The following PARP8 variants were observed in gnomAD, a reference collection of about 807,000 sequenced individuals.
The protein encoded by PARP8 is protein mono-ADP-ribosyltransferase PARP8.
Under a neutral mutation model 124.1 loss-of-function variants are expected in PARP8, and 51 were observed. That is an observed-to-expected ratio of 0.41 (90% CI 0.33 to 0.52). PARP8 has a LOEUF of 0.52. Ranked by LOEUF, PARP8 falls within the 20% of genes least tolerant of loss-of-function variation. The pLI, the probability that PARP8 is intolerant of heterozygous loss-of-function variation, is 0.21. For missense variants in PARP8, 860 were observed against 1,018.9 expected (o/e 0.84, Z 2.12); for synonymous variants, 391 against 361.5 (o/e 1.08, Z -0.93).
In PARP8 at chr5:50,826,809, T is replaced by A. The variant is rs776109934; in HGVS notation, c.1977+6T>A. ...TGAAACTGCCAGTTAACAGGGTAAG[T>A]TGTTTTTTTTTTTTTTACATATGCA... On this transcript the variant is annotated splice_donor_region_variant and intron_variant, in intron 19 of 25. Coordinates refer to ENST00000281631, the MANE Select transcript of PARP8 (RefSeq NM_024615.4). 3 of 1,574,926 alleles carry A rather than the reference T, an allele frequency of 1.9e-6. No individual in the cohort carries two copies. Among genetic ancestry groups the A allele is most frequent in the Admixed American group, 1.9e-5 (1 of 53,088 alleles).
chr5:50,834,693 T>C (rs1410024768), intron 24 of PARP8: 1 of 507,968 alleles, frequency 2.0e-6, no homozygotes, highest in Non-Finnish European at 3.6e-6. Flanking sequence ...TGGTAATACT[T>C]AGATGAGTCC....
intron 9 of PARP8, among the ~76,000 whole-genome samples, chr5:50,780,200 T>C (rs1740511567): frequency 6.6e-6 from 1 of 152,202 alleles, no homozygotes; most frequent in South Asian, 2.1e-4. Flanking sequence ...CATAAGGGAA[T>C]GATTTGTAAT....
intron 2 of PARP8, among the ~76,000 whole-genome samples, chr5:50,700,031 C>T (rs573834519): frequency 4.6e-5 from 7 of 152,254 alleles, no homozygotes; most frequent in African/African-American, 1.7e-4. Flanking sequence ...ACTAAATAGT[C>T]ATCCATTTTT....
At chr5:50,841,044 T>G (rs1748125114) in intron 25 of PARP8, among the ~76,000 whole-genome samples, 1 of 151,930 alleles carries the variant, frequency 6.6e-6, no homozygotes, top group South Asian at 2.1e-4. Flanking sequence ...CTGTATGTCA[T>G]CTTTTCATTT....
At chr5:50,825,851 A>G (rs905711709) in intron 18 of PARP8, among the ~76,000 whole-genome samples, 30 of 152,150 alleles carry the variant, frequency 2.0e-4, no homozygotes, top group African/African-American at 7.2e-4. Context: ...TGGCTTCCTC[A>G]AGATTCTGAT....
At chr5:50,796,310 T>G (rs1742548280) in intron 12 of PARP8, among the ~76,000 whole-genome samples, 2 of 152,182 alleles carry the variant, frequency 1.3e-5, no homozygotes, top group East Asian at 3.8e-4. Flanking sequence ...TTATATAGGT[T>G]TATTTCTAAA....
chr5:50,708,504 G>T (rs1580044145), intron 2 of PARP8, among the ~76,000 whole-genome samples: 1 of 152,020 alleles, frequency 6.6e-6, no homozygotes, highest in Middle Eastern at 3.4e-3. Context: ...ATGGAATTCT[G>T]TGTTAGAACT....
chr5:50,842,246 AT>A lies in PARP8; in HGVS notation c.*181del, dbSNP rs1218615000. ...CATTAAATACCTAAAATGGTATAAG[AT>A]TTATCAATTGTAGGGTTATGGAATC... On this transcript the variant is annotated 3_prime_UTR_variant, in exon 26 of 26. Coordinates refer to ENST00000281631, the MANE Select transcript of PARP8 (RefSeq NM_024615.4). 3 of 481,930 alleles carry A rather than the reference AT, an allele frequency of 6.2e-6. No individual in the cohort carries two copies. In the African/African-American group the frequency reaches 6.2e-5, roughly 10 times the overall value. 29.9% of individuals were successfully genotyped at this position (481,930 alleles called of 1,614,324 possible). A position where few individuals can be genotyped will look rare whatever the true frequency, so the allele number is the denominator to read the frequency against.
intron 16 of PARP8, among the ~76,000 whole-genome samples, 179 bp from the exon 17 acceptor site, chr5:50,822,156 A>G (rs1401395874): frequency 1.3e-5 from 2 of 152,168 alleles, no homozygotes; most frequent in African/African-American, 4.8e-5. Context: ...TCTCTGACTG[A>G]AGTCCTGGAG....
In PARP8 at chr5:50,815,526, T is replaced by G; in HGVS notation, c.1668+2T>G. The G allele has an allele frequency of 6.3e-7, 1 of 1,580,906 alleles. No individual in the cohort carries two copies. Among genetic ancestry groups the G allele is most frequent in the Non-Finnish European group, 8.6e-7 (1 of 1,165,064 alleles). On this transcript the variant is annotated splice_donor_variant, in intron 15 of 25. Transcript: ENST00000281631. LOFTEE classifies it high-confidence loss of function. ...GATGAAATAGCAACTGGAGCTCAGG[T>G]AGTAACACAGGATACTAATTATTTC...
intron 2 of PARP8, among the ~76,000 whole-genome samples, chr5:50,691,118 C>T (rs1752452273): frequency 6.6e-6 from 1 of 152,192 alleles, no homozygotes; most frequent in Non-Finnish European, 1.5e-5. Context: ...CACTGCGTGA[C>T]TTACCTTTCA....
intron 2 of PARP8, 28 bp from the exon 3 acceptor site, chr5:50,750,123 A>G (rs756243151): frequency 2.4e-5 from 36 of 1,528,236 alleles, no homozygotes; most frequent in Non-Finnish European, 3.1e-5. Flanking sequence ...CAATAACTTG[A>G]GCCTTTTTTG....
intron 2 of PARP8, among the ~76,000 whole-genome samples, chr5:50,686,969 A>G (rs1185663276): frequency 1.3e-5 from 2 of 152,054 alleles, no homozygotes; most frequent in African/African-American, 4.8e-5. Flanking sequence ...CCCTGGAGAC[A>G]TTTTCCCCAT....
intron 14 of PARP8, among the ~76,000 whole-genome samples, chr5:50,807,970 C>G (rs1224868545): frequency 6.6e-6 from 1 of 152,000 alleles, no homozygotes; most frequent in South Asian, 2.1e-4. Flanking sequence ...AATGCTCATT[C>G]TTACTGAAGC....
At chr5:50,727,015 A>G (rs1756494088) in intron 2 of PARP8, among the ~76,000 whole-genome samples, 1 of 152,188 alleles carries the variant, frequency 6.6e-6, no homozygotes, top group Admixed American at 6.6e-5. Flanking sequence ...TGACATTTAC[A>G]GTCATAAATC....
chr5:50,759,519 CAGT>C, intron 3 of PARP8, 121 bp from the exon 4 acceptor site: 2 of 1,068,542 alleles, frequency 1.9e-6, no homozygotes, highest in Non-Finnish European at 2.5e-6. Context: ...TTTAATCAAA[CAGT>C]AGTGTATGCT....
intron 8 of PARP8, 31 bp from the exon 9 acceptor site, chr5:50,778,529 A>AT (rs755566675): frequency 6.6e-7 from 1 of 1,521,362 alleles, no homozygotes; most frequent in South Asian, 1.2e-5. Flanking sequence ...CTAAAAGATG[A>AT]TTAATTCATC....
intron 14 of PARP8, among the ~76,000 whole-genome samples, chr5:50,809,306 G>T (rs77434576): frequency 0.014 from 2,106 of 152,000 alleles, 50 homozygotes; most frequent in African/African-American, 0.048. Context: ...AGTTCTAGAA[G>T]ATATTCATAT....
chr5:50,696,240 T>A (rs768673466), intron 2 of PARP8, among the ~76,000 whole-genome samples: 24 of 152,154 alleles, frequency 1.6e-4, no homozygotes, highest in Non-Finnish European at 2.8e-4. Context: ...TTTACAGAAA[T>A]AGCAAAAAGA....
Sources: allele counts gnomAD v4.1 joint callset (sites outside exome capture counted in the v4.1 genomes callset), GRCh38; gene constraint gnomAD v4.1.1; transcripts MANE v1.5; gene names NCBI Gene and HGNC (gene_info 2026-07-23, HGNC 2026-07-21).